NPHP4: variants seen among roughly 807,000 people sequenced by gnomAD.
The protein encoded by NPHP4 is nephrocystin-4.
Under a neutral mutation model 155.8 loss-of-function variants are expected in NPHP4, and 151 were observed. The observed-to-expected ratio is 0.97, with a 90% CI of 0.85 to 1.11. NPHP4 has a LOEUF of 1.11. Ranked by LOEUF, NPHP4 falls within the 50% of genes least tolerant of loss-of-function variation. NPHP4 has a pLI of 0.00. For missense variants in NPHP4, 1,956 were observed against 1,925.7 expected, an observed-to-expected ratio of 1.02 and a Z score of -0.29; for synonymous variants, 845 against 816.8, an observed-to-expected ratio of 1.03 and a Z score of -0.59.
At position 5,909,207 on chromosome 1, in the gene NPHP4, G is replaced by A. The variant is rs759608529; in HGVS notation, c.1448C>T (p.Pro483Leu). 24 of 1,602,444 alleles carry A rather than the reference G, an allele frequency of 1.5e-5. No homozygotes were observed. In the South Asian group the frequency reaches 2.6e-4, roughly 17 times the overall value. The change falls in exon 12 of 30, where the codon CCA (proline) becomes CTA (leucine). Residue 483 changes from proline to leucine, a missense_variant. Coordinates refer to ENST00000378156, the MANE Select transcript of NPHP4 (RefSeq NM_015102.5). The part of the protein sequence containing the change: ...RKPPTSPSSP[P>L]APVPRVLAAP... ...AGCGAGAACTCGAGGTACTGGCGCT[G>A]GCGGGCCTGGGAGGAAGCACAGTGG...
chr1:5,942,853 G>A (rs1174770981), intron 9 of NPHP4, among the ~76,000 whole-genome samples: 2 of 152,194 alleles, frequency 1.3e-5, no homozygotes, highest in African/African-American at 4.8e-5. Flanking sequence ...GTGACCCACA[G>A]AAAAGGACTG....
At chr1:5,893,401 G>A (rs759042264) in intron 16 of NPHP4, among the ~76,000 whole-genome samples, 2 of 152,202 alleles carry the variant, frequency 1.3e-5, no homozygotes, top group Non-Finnish European at 2.9e-5. Flanking sequence ...GATAGGTAAG[G>A]TCACGCGGGT....
intron 4 of NPHP4, 37 bp downstream of exon 4, chr1:5,969,050 C>A: frequency 7.2e-7 from 1 of 1,380,876 alleles, no homozygotes; most frequent in Non-Finnish European, 9.9e-7. Flanking sequence ...AAGACAGACG[C>A]TGGAAAACCC....
intron 9 of NPHP4, among the ~76,000 whole-genome samples, chr1:5,941,977 G>A (rs969332836): frequency 6.6e-6 from 1 of 152,180 alleles, no homozygotes; most frequent in Non-Finnish European, 1.5e-5. Context: ...CGGATGAGGA[G>A]CAGATACCCA....
chr1:5,912,604 T>C (rs1645248233), intron 11 of NPHP4, among the ~76,000 whole-genome samples: 1 of 151,224 alleles, frequency 6.6e-6, no homozygotes, highest in African/African-American at 2.4e-5. Flanking sequence ...TATACGGGTG[T>C]GCTGGCAAAC....
At chr1:5,904,080 C>T (rs895936173) in intron 16 of NPHP4, among the ~76,000 whole-genome samples, 13 of 152,162 alleles carry the variant, frequency 8.5e-5, no homozygotes, top group Admixed American at 1.3e-4. Flanking sequence ...GTGGGGTGGA[C>T]GCTCTACAGT....
At chr1:5,934,239 G>A (rs1646420731) in intron 9 of NPHP4, among the ~76,000 whole-genome samples, 2 of 152,222 alleles carry the variant, frequency 1.3e-5, no homozygotes, top group South Asian at 4.1e-4. Flanking sequence ...TAAGTCACCA[G>A]GAAGCCGATT....
At chr1:5,934,563 C>T (rs1197553528) in intron 9 of NPHP4, among the ~76,000 whole-genome samples, 2 of 152,192 alleles carry the variant, frequency 1.3e-5, no homozygotes, top group African/African-American at 4.8e-5. Context: ...CTAACAGAGA[C>T]AGCTGCACCC....
At chr1:5,900,767 A>G (rs1162258765) in intron 16 of NPHP4, among the ~76,000 whole-genome samples, 2 of 152,120 alleles carry the variant, frequency 1.3e-5, no homozygotes, top group African/African-American at 4.8e-5. Context: ...ATGGTGGCTC[A>G]CGCCTGTCAT....
chr1:5,869,190 CATGCACACATAT>C (rs1329447445), intron 23 of NPHP4, among the ~76,000 whole-genome samples: 1 of 147,328 alleles, frequency 6.8e-6, no homozygotes, highest in East Asian at 2.0e-4. Flanking sequence ...TGCACACATA[CATGCACACATAT>C]CCACCCACAT....
At position 5,904,796 on chromosome 1, in the gene NPHP4, T is replaced by C. The variant is rs748845645; in HGVS notation, c.1964A>G (p.Gln655Arg). The C allele has an allele frequency of 6.2e-7, 1 of 1,614,000 alleles. No homozygotes were observed. Among genetic ancestry groups the C allele is most frequent in the Admixed American group, 1.7e-5 (1 of 60,030 alleles). ...LQFLAFSRVA[Q>R]DCRGTSWPKT... ...TGGCCATGATGTTCCTCGGCAGTCC[T>C]GGGCCACTCTGAATCCAACAACAGC... The change falls in exon 16 of 30, where the codon CAG becomes CGG. Residue 655 changes from glutamine to arginine, a missense_variant. Gln to Arg is a conservative substitution (Grantham distance 43, BLOSUM62 1). Transcript: ENST00000378156.
At position 5,865,803 on chromosome 1, in the gene NPHP4, G is replaced by C. The variant is rs138289051; in HGVS notation, c.3645-530C>G. 17 of 163,950 alleles carry C rather than the reference G, an allele frequency of 1.0e-4. No individual in the cohort carries two copies. The South Asian group carries it at 2.3e-3, about 22-fold the overall frequency. The allele number at this position is 163,950 out of a possible 1,614,324, so 10.2% of individuals were successfully genotyped here. Reference sequence around the variant, plus strand: ...CACGAGGAAGCCACTCTGAGACGTGGTCACGTGGCCCCTCTGTGGTGGGCA... The same window carrying C: ...CACGAGGAAGCCACTCTGAGACGTGCTCACGTGGCCCCTCTGTGGTGGGCA... On this transcript the variant is annotated intron_variant, in intron 26 of 29. Coordinates refer to ENST00000378156, the MANE Select transcript of NPHP4 (RefSeq NM_015102.5).
chr1:5,951,922 G>A (rs146778307), intron 7 of NPHP4, among the ~76,000 whole-genome samples: 11 of 152,300 alleles, frequency 7.2e-5, no homozygotes, highest in Non-Finnish European at 1.3e-4. Flanking sequence ...AAACCCCAGC[G>A]CATGCTGCGT....
intron 9 of NPHP4, among the ~76,000 whole-genome samples, chr1:5,936,698 G>T (rs1429047973): frequency 6.6e-6 from 1 of 152,218 alleles, no homozygotes. Flanking sequence ...TGCCACACTT[G>T]CATTTACCAC....
chr1:5,949,329 C>A (rs1647440658), intron 7 of NPHP4, among the ~76,000 whole-genome samples: 1 of 122,668 alleles, frequency 8.2e-6, no homozygotes, highest in Non-Finnish European at 1.7e-5. Context: ...ACAAGTCCAG[C>A]TCATTCACAT....
chr1:5,866,181 C>T, intron 26 of NPHP4, 192 bp downstream of exon 26: 1 of 615,710 alleles, frequency 1.6e-6, no homozygotes, highest in Non-Finnish European at 2.9e-6. Context: ...GCACGTGCCC[C>T]TCCAAGGTGC....
chr1:5,911,986 G>A (rs1474866909), intron 11 of NPHP4, among the ~76,000 whole-genome samples: 1 of 152,184 alleles, frequency 6.6e-6, no homozygotes, highest in Non-Finnish European at 1.5e-5. Context: ...CAAGCACCTG[G>A]GCCAGCAACT....
At chr1:5,977,560 C>T (rs1346773525) in intron 3 of NPHP4, among the ~76,000 whole-genome samples, 1 of 151,860 alleles carries the variant, frequency 6.6e-6, no homozygotes, top group Admixed American at 6.6e-5. Context: ...AAACAGTCTG[C>T]AGTTCTGTTA....
intron 11 of NPHP4, among the ~76,000 whole-genome samples, chr1:5,914,731 T>C (rs1645373930): frequency 6.6e-6 from 1 of 152,128 alleles, no homozygotes; most frequent in South Asian, 2.1e-4. Flanking sequence ...AACAGCTCAG[T>C]GGAGGACGGG....
Sources: gnomAD v4.1 joint callset for allele counts (sites outside exome capture counted in the v4.1 genomes callset) on GRCh38, gnomAD v4.1.1 for gene constraint, MANE v1.5 for transcripts, NCBI Gene and HGNC (gene_info 2026-07-23, HGNC 2026-07-21) for gene names.